The following UBAP2 variants were observed in gnomAD, a reference collection of about 807,000 sequenced individuals.
The protein encoded by UBAP2 is ubiquitin associated protein 2.
A neutral mutation model predicts 139.6 loss-of-function variants in UBAP2; 75 were observed. That is an observed-to-expected ratio of 0.54 (90% CI 0.45 to 0.65). The LOEUF (loss-of-function observed/expected upper bound fraction) is 0.65. Among genes scored for constraint, UBAP2 ranks in the 30% least tolerant of loss-of-function variants. The pLI, the probability that UBAP2 is intolerant of heterozygous loss-of-function variation, is 0.00. For missense variants in UBAP2, 1,368 were observed against 1,369.6 expected (o/e 1.00, Z 0.02); for synonymous variants, 526 against 526.2 (o/e 1.00, Z 0.01).
At chr9:34,039,093 C>G (rs1037770961) in intron 1 of UBAP2, among the ~76,000 whole-genome samples, 1 of 152,088 alleles carries the variant, frequency 6.6e-6, no homozygotes, top group African/African-American at 2.4e-5. Context: ...GCAGCCACCC[C>G]GTCTGGGAAG....
chr9:33,986,612 T>C lies in UBAP2; in HGVS notation c.520+148A>G, dbSNP rs992558946. The stretch of plus-strand genomic sequence containing the variant: ...ACTACATAACCCAAAATAGTTCATT[T>C]ACAGGCATCAGTAAACAAATGATCA... On this transcript the variant is annotated intron_variant, in intron 6 of 28. Coordinates refer to ENST00000379238, the MANE Select transcript of UBAP2 (RefSeq NM_001370062.2). The C allele has an allele frequency of 4.1e-6, 3 of 737,668 alleles. No individual in the cohort carries two copies. In the East Asian group the frequency reaches 7.4e-5, roughly 18 times the overall value. The allele number at this position is 737,668 out of a possible 1,614,324, so 45.7% of individuals were successfully genotyped here.
At chr9:33,989,203 C>CT (rs34957423) in intron 4 of UBAP2, 77 bp from the exon 5 acceptor site, 33,917 of 1,181,660 alleles carry the variant, frequency 0.029, 2 homozygotes, top group Non-Finnish European at 0.031. Flanking sequence ...ATGTATCTTT[C>CT]TTTTTTTTTT....
Position 33,941,786 on chromosome 9 carries a change from A to AG in UBAP2, c.1791dup (p.Cys598LeufsTer12). 1 of 1,614,156 alleles carries AG rather than the reference A, an allele frequency of 6.2e-7. No homozygotes were observed. The highest frequency in any genetic ancestry group is 8.5e-7 in the Non-Finnish European group (1 of 1,179,998). On this transcript the variant is annotated frameshift_variant, in exon 16 of 29. Coordinates refer to ENST00000379238, the MANE Select transcript of UBAP2 (RefSeq NM_001370062.2). LOFTEE classifies it high-confidence loss of function. ...TTCAGTGATGAGCTTGTCAGACTGC[A>AG]GGAGGTAATGACGGAAGTTGTATAT... is the stretch of plus-strand genomic sequence containing the variant.
rs913093328 is a variant in UBAP2, at chr9:34,048,884, A to G, written c.-101T>C. 1.3e-5 allele frequency: 2 copies of G among 152,172 alleles called. No individual in the cohort carries two copies. The highest frequency in any genetic ancestry group is 2.4e-5 in the African/African-American group (1 of 41,422). The allele number at this position is 152,172 out of a possible 1,614,324, so 9.4% of individuals were successfully genotyped here. ...CGCCGCCGCCGCTCGTTACCTGCCA[A>G]TGTGCCTCTTACAAAGCGGCGGCGG... is the stretch of plus-strand genomic sequence containing the variant. On this transcript the variant is annotated 5_prime_UTR_variant, in exon 1 of 29. Transcript: ENST00000379238.
intron 10 of UBAP2, among the ~76,000 whole-genome samples, chr9:33,959,041 C>T (rs1014196169): frequency 1.3e-5 from 2 of 151,802 alleles, no homozygotes; most frequent in Non-Finnish European, 2.9e-5. Flanking sequence ...TCCAGCTACT[C>T]AGGTGGCTGG....
intron 4 of UBAP2, among the ~76,000 whole-genome samples, chr9:33,990,416 T>C (rs1821601673): frequency 6.6e-6 from 1 of 152,190 alleles, no homozygotes; most frequent in Admixed American, 6.6e-5. Flanking sequence ...ATGGAATATC[T>C]GGTCTTCTGC....
In UBAP2 at chr9:33,932,637, CA is replaced by C. The variant is rs777181143; in HGVS notation, c.2109-10del. On this transcript the variant is annotated splice_polypyrimidine_tract_variant and intron_variant, in intron 18 of 28. Transcript: ENST00000379238. ...GGTGGCTGGAGAGCGAACTAGAAGACAAAACAGAGCGCCGTATGTCCACCTG... is the reference window on the plus strand; with the variant it reads ...GGTGGCTGGAGAGCGAACTAGAAGACAAACAGAGCGCCGTATGTCCACCTG... 7 of 1,613,634 alleles carry C rather than the reference CA, an allele frequency of 4.3e-6. No individual in the cohort carries two copies. The East Asian group carries it at 1.6e-4, about 36-fold the overall frequency.
chr9:33,962,390 G>A (rs1359888556), intron 9 of UBAP2, among the ~76,000 whole-genome samples: 1 of 152,150 alleles, frequency 6.6e-6, no homozygotes, highest in Admixed American at 6.6e-5. Context: ...GCTCATGCCT[G>A]TAATCCCAGC....
intron 1 of UBAP2, among the ~76,000 whole-genome samples, chr9:34,018,625 A>G (rs1824611411): frequency 6.6e-6 from 1 of 152,204 alleles, no homozygotes. Context: ...GCACTTTGGG[A>G]GGCCAAGGCG....
At chr9:34,042,935 ATGCATCCCTGTGG>A (rs942423866) in intron 1 of UBAP2, among the ~76,000 whole-genome samples, 1 of 151,948 alleles carries the variant, frequency 6.6e-6, no homozygotes, top group Non-Finnish European at 1.5e-5. Flanking sequence ...GAGCATGGTG[ATGCATCCCTGTGG>A]TCCAAGCTAC....
chr9:33,993,489 A>C (rs2131166393), intron 4 of UBAP2, among the ~76,000 whole-genome samples: 1 of 152,322 alleles, frequency 6.6e-6, no homozygotes, highest in Middle Eastern at 3.4e-3. Flanking sequence ...ATAGAAACAC[A>C]GAGACCCCCT....
At chr9:34,035,220 C>T (rs527517569) in intron 1 of UBAP2, among the ~76,000 whole-genome samples, 7 of 151,458 alleles carry the variant, frequency 4.6e-5, no homozygotes, top group African/African-American at 1.5e-4. Flanking sequence ...ACATTTCATA[C>T]GGCTAGGCGC....
intron 8 of UBAP2, among the ~76,000 whole-genome samples, chr9:33,969,377 T>C (rs967578709): frequency 2.6e-5 from 4 of 151,956 alleles, no homozygotes; most frequent in Admixed American, 2.0e-4. Flanking sequence ...CAAAATCTTA[T>C]CTCTACAAAA....
chr9:33,988,940 A>G (rs1355714299), intron 5 of UBAP2, 33 bp downstream of exon 5: 6 of 1,587,412 alleles, frequency 3.8e-6, no homozygotes, highest in Admixed American at 3.7e-5. Context: ...AGATGAAAGA[A>G]GAGAAAAAAC....
At chr9:33,924,320 C>T (rs752808230) in intron 22 of UBAP2, 36 bp from the exon 23 acceptor site, 1 of 1,591,034 alleles carries the variant, frequency 6.3e-7, no homozygotes, top group South Asian at 1.1e-5. Context: ...CAGCGACTGG[C>T]CCTGCTTGAC....
chr9:33,925,232 C>G (rs973267857), intron 22 of UBAP2, among the ~76,000 whole-genome samples: 1 of 152,160 alleles, frequency 6.6e-6, no homozygotes, highest in Admixed American at 6.5e-5. Context: ...GCACTCACAC[C>G]CTCCAGGAAA....
At chr9:33,986,394 T>C (rs531855866) in intron 6 of UBAP2, among the ~76,000 whole-genome samples, 46 of 152,314 alleles carry the variant, frequency 3.0e-4, no homozygotes, top group African/African-American at 1.0e-3. Flanking sequence ...TACAACTCAC[T>C]GAAAGCTCAA....
At position 33,972,088 on chromosome 9, in the gene UBAP2, T is replaced by C. The variant is rs906941196; in HGVS notation, c.576-334A>G. Among the ~76,000 whole-genome samples, 5 of 152,188 alleles carry C rather than the reference T, an allele frequency of 3.3e-5. 1 individual carries two copies. Among genetic ancestry groups the C allele is most frequent in the African/African-American group, 4.8e-5 (2 of 41,446 alleles). On this transcript the variant is annotated intron_variant, in intron 7 of 28. Transcript: ENST00000379238. ...CTCTTATGAGAGTCCTGCTGAAAAA[T>C]AAGGCATAAATAGGCAACAGGTATT...
chr9:34,017,088 C>A lies in UBAP2; in HGVS notation c.61G>T (p.Ala21Ser). 1 of 1,611,954 alleles carries A rather than the reference C, an allele frequency of 6.2e-7. No homozygotes were observed. The highest frequency in any genetic ancestry group is 8.5e-7 in the Non-Finnish European group (1 of 1,179,468). Residue 21 changes from alanine to serine, a missense_variant, in exon 2 of 29, where the codon GCA becomes TCA. By Grantham distance (99) the Ala-to-Ser change is moderately conservative. Transcript: ENST00000379238. ...RGAREKPQIS[A>S]AQSTQPQKQV... ...TTCTGTGGTTGCGTTGATTGTGCTG[C>A]TGAAATCTGTGGTTTTTCCCGAGCA...
Sources: allele counts gnomAD v4.1 joint callset (sites outside exome capture counted in the v4.1 genomes callset), GRCh38; gene constraint gnomAD v4.1.1; transcripts MANE v1.5; gene names NCBI Gene and HGNC (gene_info 2026-07-23, HGNC 2026-07-21).